GSG1L: variants seen among roughly 807,000 people sequenced by gnomAD.
GSG1L encodes germ cell-specific gene 1-like protein.
In GSG1L, 24 loss-of-function variants were observed where a neutral mutation model predicts 42.1. The observed-to-expected ratio is 0.57, with a 90% CI of 0.41 to 0.80. GSG1L has a LOEUF of 0.80. GSG1L is among the 30% of genes least tolerant of loss of function. The pLI, the probability that GSG1L is intolerant of heterozygous loss-of-function variation, is 0.00. For missense variants in GSG1L, 445 were observed against 472.2 expected (o/e 0.94, Z 0.53); for synonymous variants, 215 against 203.5 (o/e 1.06, Z -0.48).
intron 1 of GSG1L, among the ~76,000 whole-genome samples, chr16:28,010,527 A>T (rs1392812630): frequency 6.6e-6 from 1 of 152,132 alleles, no homozygotes; most frequent in Non-Finnish European, 1.5e-5. Flanking sequence ...AGTGCTGTTC[A>T]ATCTGGAGGT....
At chr16:28,039,047 T>A (rs1462157277) in intron 1 of GSG1L, among the ~76,000 whole-genome samples, 1 of 152,184 alleles carries the variant, frequency 6.6e-6, no homozygotes, top group East Asian at 1.9e-4. Context: ...GCTGCAGAGA[T>A]CATCCTGGGA....
At chr16:27,999,430 T>C (rs905152640) in intron 1 of GSG1L, among the ~76,000 whole-genome samples, 1 of 152,190 alleles carries the variant, frequency 6.6e-6, no homozygotes, top group Non-Finnish European at 1.5e-5. Context: ...ATGGAAAGAA[T>C]GACCAAATTC....
intron 1 of GSG1L, among the ~76,000 whole-genome samples, chr16:28,032,544 A>G (rs1330660059): frequency 6.6e-6 from 1 of 152,172 alleles, no homozygotes; most frequent in African/African-American, 2.4e-5. Context: ...TCTGAGATGT[A>G]TTTTGTTCTC....
At chr16:28,009,848 T>C (rs1047101114) in intron 1 of GSG1L, among the ~76,000 whole-genome samples, 1 of 152,202 alleles carries the variant, frequency 6.6e-6, no homozygotes, top group Non-Finnish European at 1.5e-5. Context: ...TCACAGCTGT[T>C]AGCCACATAA....
At chr16:27,851,015 G>A (rs1369752060) in intron 3 of GSG1L, among the ~76,000 whole-genome samples, 4 of 152,182 alleles carry the variant, frequency 2.6e-5, no homozygotes, top group South Asian at 2.1e-4. Flanking sequence ...GAATGATCAC[G>A]TGGAGAGGGA....
chr16:28,012,589 A>AT (rs1028966222), intron 1 of GSG1L, among the ~76,000 whole-genome samples: 1 of 151,774 alleles, frequency 6.6e-6, no homozygotes, highest in Non-Finnish European at 1.5e-5. Flanking sequence ...TTATACAAAA[A>AT]AAAAAGATAC....
In GSG1L at chr16:28,007,103, C is replaced by T. The variant is rs536638728; in HGVS notation, c.350-43900G>A. Among the ~76,000 whole-genome samples the T allele has an allele frequency of 3.1e-4, 47 of 152,294 alleles. 1 individual carries two copies. The highest frequency in any genetic ancestry group is 1.0e-3 in the African/African-American group (42 of 41,562). On this transcript the variant is annotated intron_variant, in intron 1 of 6. Transcript: ENST00000447459. ...AGTAATGCCCCCACCACGAAGTCCA[C>T]GTCCTAATCCTCGGAATCTGTGATA...
At chr16:28,025,434 C>G (rs1481677713) in intron 1 of GSG1L, among the ~76,000 whole-genome samples, 1 of 152,224 alleles carries the variant, frequency 6.6e-6, no homozygotes, top group East Asian at 1.9e-4. Context: ...AACCCTACAT[C>G]CAGTTTTCGT....
Position 28,063,192 on chromosome 16 carries a change from C to A in GSG1L, c.233G>T (p.Gly78Val). 1 of 1,301,174 alleles carries A rather than the reference C, an allele frequency of 7.7e-7. No individual in the cohort carries two copies. Among genetic ancestry groups the A allele is most frequent in the Non-Finnish European group, 9.7e-7 (1 of 1,026,294 alleles). 80.6% of individuals were successfully genotyped at this position (1,301,174 alleles called of 1,614,324 possible). A position where few individuals can be genotyped will look rare whatever the true frequency, so the allele number is the denominator to read the frequency against. ...AAAAAAATAS[G>V]NGPPGGALYS... ...GAGCGCGCCGCCAGGGGGGCCGTTC[C>A]CCGAGGCGGTGGCGGCGGCGGCGGC... Residue 78 changes from glycine to valine, a missense_variant, in exon 1 of 7, where the codon GGG becomes GTG. This residue lies in a region of GSG1L where 156 missense variants were observed against 128.3 expected (regional missense o/e 1.22). Coordinates refer to ENST00000447459, the MANE Select transcript of GSG1L (RefSeq NM_001109763.2). This position sits in a 1 kb window ranked among gnomAD's most constrained non-coding sequence, Gnocchi z 5.8.
At chr16:27,801,660 G>A (rs1027688804) in intron 6 of GSG1L, among the ~76,000 whole-genome samples, 4 of 152,126 alleles carry the variant, frequency 2.6e-5, no homozygotes, top group African/African-American at 4.8e-5. Flanking sequence ...CAAGAGGACC[G>A]AGGCCATGTC....
At chr16:27,821,515 T>G (rs1027333253) in intron 5 of GSG1L, among the ~76,000 whole-genome samples, 3 of 152,148 alleles carry the variant, frequency 2.0e-5, no homozygotes, top group Non-Finnish European at 4.4e-5. Context: ...CTCCCACTTA[T>G]AAGTGAGAAA....
intron 2 of GSG1L, among the ~76,000 whole-genome samples, chr16:27,922,000 CTTTT>C (rs5816454): frequency 2.2e-5 from 3 of 133,626 alleles, no homozygotes; most frequent in Non-Finnish European, 3.2e-5. Context: ...TGTTTGTTGT[CTTTT>C]TTTTTTTTTT....
At chr16:28,055,631 G>A (rs948773473) in intron 1 of GSG1L, among the ~76,000 whole-genome samples, 22 of 151,770 alleles carry the variant, frequency 1.4e-4, no homozygotes, top group Admixed American at 9.2e-4. Context: ...GCCACCACCC[G>A]GCTAATTTTT....
At chr16:27,915,764 G>A (rs1332125540) in intron 2 of GSG1L, among the ~76,000 whole-genome samples, 1 of 152,126 alleles carries the variant, frequency 6.6e-6, no homozygotes, top group African/African-American at 2.4e-5. Flanking sequence ...TCCAACCTGG[G>A]CAACACAGTG....
intron 2 of GSG1L, among the ~76,000 whole-genome samples, chr16:27,894,334 C>T (rs948003954): frequency 6.6e-6 from 1 of 152,098 alleles, no homozygotes; most frequent in African/African-American, 2.4e-5. Flanking sequence ...AGGGAAGTAG[C>T]CAAGGAGGAT....
chr16:27,811,750 G>A (rs982483670), intron 5 of GSG1L, among the ~76,000 whole-genome samples: 7 of 152,182 alleles, frequency 4.6e-5, no homozygotes, highest in African/African-American at 1.4e-4. Flanking sequence ...CTGGGTTCAC[G>A]CAATTCTCCT....
chr16:27,909,874 TGTTAAGAACATCAA>T (rs1208540729), intron 2 of GSG1L, among the ~76,000 whole-genome samples: 1 of 151,912 alleles, frequency 6.6e-6, no homozygotes, highest in African/African-American at 2.4e-5. Flanking sequence ...CCCATTTCAT[TGTTAAGAACATCAA>T]GGTTCGGGGA....
chr16:27,869,340 G>A (rs1169550740), intron 3 of GSG1L, among the ~76,000 whole-genome samples: 1 of 151,592 alleles, frequency 6.6e-6, no homozygotes, highest in Non-Finnish European at 1.5e-5. Context: ...ATGATGGGCT[G>A]GTATATAGCA....
intron 4 of GSG1L, among the ~76,000 whole-genome samples, chr16:27,839,822 G>C (rs1340210370): frequency 1.3e-5 from 2 of 152,086 alleles, no homozygotes; most frequent in Non-Finnish European, 2.9e-5. Context: ...ACAATGGCAG[G>C]CCTAAGAAAT....
Sources: gnomAD v4.1 joint callset for allele counts (sites outside exome capture counted in the v4.1 genomes callset) on GRCh38, gnomAD v4.1.1 for gene constraint, gnomAD v4.1.1 regional missense constraint, Gnocchi (gnomAD v3.1) non-coding constraint, MANE v1.5 for transcripts, NCBI Gene and HGNC (gene_info 2026-07-23, HGNC 2026-07-21) for gene names.